Variants in PDE7B observed in about 807,000 individuals in gnomAD.
PDE7B encodes 3',5'-cyclic-AMP phosphodiesterase 7B.
A neutral mutation model predicts 56.2 loss-of-function variants in PDE7B; 29 were observed. The observed-to-expected ratio is 0.52, with a 90% CI of 0.38 to 0.70. PDE7B has a LOEUF of 0.70. Among genes scored for constraint, PDE7B ranks in the 30% least tolerant of loss-of-function variants. PDE7B has a pLI of 0.00. For missense variants in PDE7B, 490 were observed against 565.0 expected (o/e 0.87, Z 1.35); for synonymous variants, 197 against 196.9 (o/e 1.00, Z 0.00).
chr6:136,183,140 T>G (rs1435726902), intron 11 of PDE7B, among the ~76,000 whole-genome samples: 1 of 151,556 alleles, frequency 6.6e-6, no homozygotes. Flanking sequence ...GCATGCATTA[T>G]AAGATGGAAA....
At chr6:136,136,877 C>T (rs898065127) in intron 3 of PDE7B, among the ~76,000 whole-genome samples, 6 of 151,930 alleles carry the variant, frequency 3.9e-5, no homozygotes, top group Admixed American at 3.9e-4. Flanking sequence ...AGCATCTCCA[C>T]TTAACAAATT....
At chr6:135,911,261 C>A (rs1776207542) in intron 1 of PDE7B, among the ~76,000 whole-genome samples, 1 of 152,200 alleles carries the variant, frequency 6.6e-6, no homozygotes, top group African/African-American at 2.4e-5. Context: ...TCCACACCCA[C>A]AGCTGTTCAG....
intron 1 of PDE7B, among the ~76,000 whole-genome samples, chr6:135,942,224 T>C (rs1161292087): frequency 7.2e-5 from 11 of 152,212 alleles, no homozygotes; most frequent in Admixed American, 2.0e-4. Flanking sequence ...GTGAAAGTGA[T>C]GATAAAATTC....
At chr6:135,903,717 C>T (rs1403909819) in intron 1 of PDE7B, among the ~76,000 whole-genome samples, 1 of 152,066 alleles carries the variant, frequency 6.6e-6, no homozygotes, top group Non-Finnish European at 1.5e-5. Context: ...CATTAAATTC[C>T]TTTTTAAAGT....
intron 2 of PDE7B, among the ~76,000 whole-genome samples, chr6:136,039,450 G>T (rs1583842506): frequency 6.6e-6 from 1 of 152,176 alleles, no homozygotes; most frequent in African/African-American, 2.4e-5. Flanking sequence ...TGGCGGTGAG[G>T]GATGGGGTAG....
chr6:136,187,887 C>A (rs1055464817), intron 12 of PDE7B, among the ~76,000 whole-genome samples: 2 of 152,192 alleles, frequency 1.3e-5, no homozygotes, highest in African/African-American at 4.8e-5. Context: ...TTGCAGTTCC[C>A]TTCCATTGAA....
chr6:136,001,418 T>A (rs1160199690), intron 2 of PDE7B, among the ~76,000 whole-genome samples: 2 of 152,102 alleles, frequency 1.3e-5, no homozygotes, highest in African/African-American at 4.8e-5. Context: ...CAGGATGAAA[T>A]TCAAACCAAA....
intron 2 of PDE7B, chr6:136,095,814 G>A (rs1413502012): frequency 1.3e-5 from 2 of 152,160 alleles, no homozygotes; most frequent in African/African-American, 4.8e-5. Context: ...TAATAGCACT[G>A]ATCTAAGGGA....
chr6:136,098,436 TAGA>T (rs916024162), intron 2 of PDE7B, among the ~76,000 whole-genome samples: 10 of 152,326 alleles, frequency 6.6e-5, no homozygotes, highest in East Asian at 1.9e-4. Flanking sequence ...ATCATCAATC[TAGA>T]AGAAGGACTT....
intron 2 of PDE7B, among the ~76,000 whole-genome samples, chr6:136,074,497 A>G (rs1253616699): frequency 6.6e-6 from 1 of 152,052 alleles, no homozygotes; most frequent in Admixed American, 6.6e-5. Flanking sequence ...GACTGAAGTC[A>G]CCCTATTGTG....
At chr6:135,859,059 GAA>G (rs545178102) in intron 1 of PDE7B, among the ~76,000 whole-genome samples, 8 of 124,760 alleles carry the variant, frequency 6.4e-5, no homozygotes, top group Admixed American at 8.1e-5. Context: ...TTCCAGGAGA[GAA>G]AAAAAAAAAA....
chr6:135,904,776 C>T (rs1776067605), intron 1 of PDE7B, among the ~76,000 whole-genome samples: 2 of 152,262 alleles, frequency 1.3e-5, no homozygotes, highest in South Asian at 2.1e-4. Context: ...TCTGTGTATA[C>T]CTGATCAGAG....
intron 2 of PDE7B, among the ~76,000 whole-genome samples, chr6:136,039,539 T>C (rs1776381672): frequency 6.6e-6 from 1 of 152,230 alleles, no homozygotes. Flanking sequence ...CTAGTTTTGA[T>C]TTTAATGATT....
chr6:135,927,660 A>G (rs1211692000), intron 1 of PDE7B, among the ~76,000 whole-genome samples: 1 of 152,134 alleles, frequency 6.6e-6, no homozygotes, highest in Non-Finnish European at 1.5e-5. Context: ...TGTAAATGAT[A>G]ATACCTGAAA....
chr6:136,083,393 A>T (rs531703410), intron 2 of PDE7B, among the ~76,000 whole-genome samples: 1 of 152,276 alleles, frequency 6.6e-6, no homozygotes, highest in South Asian at 2.1e-4. Context: ...GACTACTTGC[A>T]TCTATGCCCA....
intron 4 of PDE7B, among the ~76,000 whole-genome samples, chr6:136,148,397 A>G (rs949089571): frequency 5.6e-5 from 8 of 143,436 alleles, no homozygotes; most frequent in African/African-American, 1.9e-4. Context: ...GAAGGAAAGG[A>G]AAGAAAGAAG....
At chr6:135,949,774 T>A (rs944476692) in intron 2 of PDE7B, among the ~76,000 whole-genome samples, 1 of 152,126 alleles carries the variant, frequency 6.6e-6, no homozygotes, top group Non-Finnish European at 1.5e-5. Flanking sequence ...ACTGTGAGAA[T>A]GGAAGTTTTT....
chr6:135,919,208 C>T (rs1443384250), intron 1 of PDE7B, among the ~76,000 whole-genome samples: 1 of 152,160 alleles, frequency 6.6e-6, no homozygotes. Flanking sequence ...TCCACTTGTG[C>T]TACCGAACGC....
intron 3 of PDE7B, among the ~76,000 whole-genome samples, chr6:136,118,930 T>C (rs1029140506): frequency 3.3e-5 from 5 of 152,206 alleles, no homozygotes; most frequent in Non-Finnish European, 7.3e-5. Context: ...TTTTCTAATA[T>C]TCCTGCCACT....
Sources: gnomAD v4.1 joint callset for allele counts (sites outside exome capture counted in the v4.1 genomes callset) on GRCh38, gnomAD v4.1.1 for gene constraint, MANE v1.5 for transcripts, NCBI Gene and HGNC (gene_info 2026-07-23, HGNC 2026-07-21) for gene names.